TMPRSS9: variants seen among roughly 807,000 people sequenced by gnomAD.
TMPRSS9 encodes the protein transmembrane protease serine 9.
In TMPRSS9, 113 loss-of-function variants were observed where a neutral mutation model predicts 111.4. The observed-to-expected ratio is 1.01, with a 90% CI of 0.87 to 1.19. TMPRSS9 has a LOEUF of 1.19. TMPRSS9 is among the 50% of genes most tolerant of loss of function. The pLI is 0.00. For missense variants in TMPRSS9, 1,803 were observed against 1,513.1 expected, an observed-to-expected ratio of 1.19 and a Z score of -3.18; for synonymous variants, 805 against 659.1, an observed-to-expected ratio of 1.22 and a Z score of -3.39.
intron 1 of TMPRSS9, among the ~76,000 whole-genome samples, chr19:2,375,160 A>G (rs766601387): frequency 7.2e-5 from 11 of 152,136 alleles, no homozygotes; most frequent in Non-Finnish European, 1.3e-4. Context: ...CCACGTCTAC[A>G]CGTGGCAGTT....
intron 17 of TMPRSS9, 111 bp downstream of exon 18, chr19:2,425,604 T>A: frequency 7.2e-7 from 1 of 1,379,710 alleles, no homozygotes; most frequent in South Asian, 1.6e-5. Flanking sequence ...TGCAGGCTTC[T>A]CCAGCGGATC....
intron 10 of TMPRSS9, among the ~76,000 whole-genome samples, chr19:2,414,882 G>C (rs924685715): frequency 7.5e-6 from 1 of 132,960 alleles, no homozygotes; most frequent in African/African-American, 3.1e-5. Context: ...TCTCGAAAAA[G>C]AAAAAAGAAA....
At chr19:2,376,352 C>A (rs1345440419) in intron 1 of TMPRSS9, among the ~76,000 whole-genome samples, 1 of 152,184 alleles carries the variant, frequency 6.6e-6, no homozygotes, top group African/African-American at 2.4e-5. Flanking sequence ...GTCCCACTTG[C>A]AGAGTCGCTT....
intron 1 of TMPRSS9, among the ~76,000 whole-genome samples, chr19:2,383,622 C>T (rs1309462843): frequency 8.2e-6 from 1 of 122,594 alleles, no homozygotes; most frequent in East Asian, 2.9e-4. Flanking sequence ...AGGTGTGAGC[C>T]ACTGCACCCT....
In TMPRSS9 at chr19:2,425,596, C is replaced by T. The variant is rs1026581977; in HGVS notation, c.3120+103C>T. Reference sequence around the variant, plus strand: ...ACCATCCGGGAGCCACCCTCCGGTGCAGGCTTCTCCAGCGGATCAAGCAGG... The same window carrying T: ...ACCATCCGGGAGCCACCCTCCGGTGTAGGCTTCTCCAGCGGATCAAGCAGG... On this transcript the variant is annotated intron_variant, in intron 17 of 17. Coordinates refer to ENST00000648592, the Ensembl canonical transcript of TMPRSS9. 5 of 1,382,360 alleles carry T rather than the reference C, an allele frequency of 3.6e-6. No homozygotes were observed. The African/African-American group carries it at 7.6e-5, about 21-fold the overall frequency. The allele number at this position is 1,382,360 out of a possible 1,614,324, so 85.6% of individuals were successfully genotyped here.
intron 7 of TMPRSS9, among the ~76,000 whole-genome samples, chr19:2,407,592 T>TTTTTCCTTTTC (rs1568182878): frequency 1.1e-5 from 1 of 87,892 alleles, no homozygotes; most frequent in Non-Finnish European, 2.2e-5. Context: ...CACCTGTGAT[T>TTTTTCCTTTTC]TTTTTCTTTT....
At chr19:2,403,183 G>C (rs1431109159) in exon 6 of TMPRSS9, 1 of 1,607,930 alleles carries the variant, frequency 6.2e-7, no homozygotes, top group Admixed American at 1.7e-5. Context: ...TGGGTCCGAC[G>C]AGGCGCACTG....
chr19:2,418,266 G>T (rs79737826), intron 13 of TMPRSS9, 128 bp downstream of exon 14: 42,870 of 653,616 alleles, frequency 0.066, 2,025 homozygotes, highest in African/African-American at 0.2. Context: ...TTCCCTCCTT[G>T]TCCTTCCCTC....
chr19:2,418,323 CTCCCTCCCTTTCCT>C (rs1483962762), intron 13 of TMPRSS9, among the ~76,000 whole-genome samples, 185 bp downstream of exon 14: 6 of 41,964 alleles, frequency 1.4e-4, no homozygotes, highest in Middle Eastern at 8.8e-3. Flanking sequence ...CCCTCCCTCC[CTCCCTCCCTTTCCT>C]TCCCTCCCTT....
intron 1 of TMPRSS9, chr19:2,396,275 C>G (rs911850614): frequency 2.6e-5 from 10 of 382,584 alleles, no homozygotes; most frequent in African/African-American, 4.1e-5. Context: ...ACTTGGCACT[C>G]ATCCACCTTG....
At chr19:2,385,469 C>T (rs1039161551), upstream of TMPRSS9, among the ~76,000 whole-genome samples, 1 of 152,136 alleles carries the variant, frequency 6.6e-6, no homozygotes, top group Non-Finnish European at 1.5e-5. Flanking sequence ...GCCACCTGGC[C>T]ATGTTCTGGG....
chr19:2,406,902 C>T (rs1335845244), intron 7 of TMPRSS9, among the ~76,000 whole-genome samples: 2 of 150,000 alleles, frequency 1.3e-5, no homozygotes, highest in Non-Finnish European at 3.0e-5. Flanking sequence ...CGGGATCAAG[C>T]GATTCTCCTG....
intron 1 of TMPRSS9, among the ~76,000 whole-genome samples, chr19:2,382,166 G>A (rs996237583): frequency 2.0e-5 from 3 of 152,042 alleles, no homozygotes; most frequent in Admixed American, 6.6e-5. Context: ...CAACCAAAAC[G>A]TTTCTTTTTT....
chr19:2,413,176 C>CA (rs1313953217), intron 9 of TMPRSS9, among the ~76,000 whole-genome samples: 4 of 152,062 alleles, frequency 2.6e-5, no homozygotes, highest in Non-Finnish European at 5.9e-5. Context: ...GCCTGGGCAA[C>CA]AGAGCAAAAC....
intron 1 of TMPRSS9, among the ~76,000 whole-genome samples, chr19:2,376,117 T>C (rs1427250915): frequency 6.6e-6 from 1 of 152,128 alleles, no homozygotes; most frequent in Non-Finnish European, 1.5e-5. Flanking sequence ...GGCTGGTCCC[T>C]CCTGGGGGCT....
intron 1 of TMPRSS9, among the ~76,000 whole-genome samples, chr19:2,369,282 T>C (rs1194422972): frequency 6.6e-6 from 1 of 152,010 alleles, no homozygotes; most frequent in Non-Finnish European, 1.5e-5. Flanking sequence ...TGTACCTGGG[T>C]GAGTACGAAA....
intron 9 of TMPRSS9, among the ~76,000 whole-genome samples, chr19:2,411,940 G>A (rs146430198): frequency 5.0e-4 from 76 of 152,142 alleles, no homozygotes; most frequent in Admixed American, 1.3e-3. Flanking sequence ...CTTGTTTCGT[G>A]GATACCATTT....
upstream of TMPRSS9, among the ~76,000 whole-genome samples, chr19:2,387,199 A>G (rs1050522983): frequency 1.3e-5 from 2 of 151,962 alleles, no homozygotes; most frequent in African/African-American, 4.8e-5. Context: ...CTCTACAAAA[A>G]AATAGAAAAG....
At chr19:2,401,590 T>C (rs1970848415) in intron 4 of TMPRSS9, among the ~76,000 whole-genome samples, 1 of 152,028 alleles carries the variant, frequency 6.6e-6, no homozygotes. Context: ...CTGCCTGCAA[T>C]AGGACGTTTT....
Sources: gnomAD v4.1 joint callset for allele counts (sites outside exome capture counted in the v4.1 genomes callset) on GRCh38, gnomAD v4.1.1 for gene constraint, MANE v1.5 for transcripts, NCBI Gene and HGNC (gene_info 2026-07-23, HGNC 2026-07-21) for gene names.